The following C4BPA variants were observed in gnomAD, a reference collection of about 807,000 sequenced individuals.
The protein encoded by C4BPA is C4b-binding protein alpha chain.
C4BPA carries 31 observed loss-of-function variants against 63.7 expected under a neutral mutation model. The observed-to-expected ratio is 0.49, with a 90% CI of 0.37 to 0.66. The LOEUF (loss-of-function observed/expected upper bound fraction) is 0.66, where lower values mean the gene tolerates loss of function less well. Among genes scored for constraint, C4BPA ranks in the 30% least tolerant of loss-of-function variants. C4BPA has a pLI of 0.00. For synonymous variants in C4BPA, 259 were observed against 254.7 expected, an observed-to-expected ratio of 1.02 and a Z score of -0.16; for missense variants, 572 against 723.3, an observed-to-expected ratio of 0.79 and a Z score of 2.40.
At chr1:207,122,740 A>G (rs1308918191) in intron 4 of C4BPA, among the ~76,000 whole-genome samples, 1 of 151,920 alleles carries the variant, frequency 6.6e-6, no homozygotes, top group East Asian at 1.9e-4. Context: ...TGCCCAGCTG[A>G]TTTTTGTATT....
intron 1 of C4BPA, among the ~76,000 whole-genome samples, chr1:207,110,513 G>C (rs1357699406): frequency 6.6e-6 from 1 of 152,198 alleles, no homozygotes; most frequent in Non-Finnish European, 1.5e-5. Flanking sequence ...TTGGAGGCCA[G>C]GCATGGTGGC....
At chr1:207,137,232 T>C (rs946892843) in intron 9 of C4BPA, among the ~76,000 whole-genome samples, 2 of 152,204 alleles carry the variant, frequency 1.3e-5, no homozygotes, top group African/African-American at 4.8e-5. Context: ...GTGGAGGTGA[T>C]CTCTCACTTC....
intron 9 of C4BPA, among the ~76,000 whole-genome samples, chr1:207,139,791 C>T (rs1685373885): frequency 6.6e-6 from 1 of 152,150 alleles, no homozygotes; most frequent in South Asian, 2.1e-4. Context: ...ACTGTGCAAA[C>T]CTTCCAAGAT....
At position 207,134,384 on chromosome 1, in the gene C4BPA, C is replaced by T; in HGVS notation, c.1085-20C>T. 6.3e-7 allele frequency: 1 copy of T among 1,591,324 alleles called. No homozygotes were observed. Among genetic ancestry groups the T allele is most frequent in the Non-Finnish European group, 8.6e-7 (1 of 1,163,812 alleles). On this transcript the variant is annotated intron_variant, in intron 8 of 11. Transcript: ENST00000367070. Reference sequence around the variant, plus strand: ...TCATGGTGATTTTACTAACCATGCACCTCACATTTTATTTTTCAGCGTTAT... The same window carrying T: ...TCATGGTGATTTTACTAACCATGCATCTCACATTTTATTTTTCAGCGTTAT...
intron 7 of C4BPA, among the ~76,000 whole-genome samples, chr1:207,130,815 T>C (rs114802518): frequency 2.1e-3 from 325 of 152,000 alleles, no homozygotes; most frequent in Non-Finnish European, 3.0e-3. Context: ...AAATAGGGAG[T>C]GACTGATAAT....
chr1:207,108,796 C>CA (rs2102327374), intron 1 of C4BPA, among the ~76,000 whole-genome samples: 1 of 151,982 alleles, frequency 6.6e-6, no homozygotes, highest in South Asian at 2.1e-4. Flanking sequence ...GATCTCGGAT[C>CA]ACTGTAACCT....
At chr1:207,118,529 C>CAG (rs928185013) in intron 4 of C4BPA, among the ~76,000 whole-genome samples, 4 of 152,114 alleles carry the variant, frequency 2.6e-5, no homozygotes, top group African/African-American at 9.7e-5. Context: ...ATAAAACCAA[C>CAG]AGACCTCATG....
chr1:207,122,271 G>A (rs1225073089), intron 4 of C4BPA, among the ~76,000 whole-genome samples: 5 of 152,128 alleles, frequency 3.3e-5, no homozygotes, highest in African/African-American at 7.2e-5. Flanking sequence ...TATATCTGAG[G>A]CATTGATACC....
intron 1 of C4BPA, among the ~76,000 whole-genome samples, chr1:207,110,356 C>T (rs1684640111): frequency 1.3e-5 from 2 of 152,134 alleles, no homozygotes; most frequent in African/African-American, 4.8e-5. Flanking sequence ...TAGCTGGAGC[C>T]TAAGGGGTCA....
intron 7 of C4BPA, 192 bp downstream of exon 7, chr1:207,127,087 T>C: frequency 2.2e-6 from 1 of 453,490 alleles, no homozygotes; most frequent in Non-Finnish European, 3.9e-6. Flanking sequence ...GGTCATATAT[T>C]GTCACACAAA....
intron 7 of C4BPA, among the ~76,000 whole-genome samples, chr1:207,130,022 T>G (rs1319766085): frequency 1.3e-5 from 2 of 152,196 alleles, no homozygotes; most frequent in South Asian, 4.1e-4. Context: ...GGCTTAATAA[T>G]GCAATTATAT....
chr1:207,121,578 G>A (rs1482291357), intron 4 of C4BPA, among the ~76,000 whole-genome samples: 1 of 151,890 alleles, frequency 6.6e-6, no homozygotes, highest in Non-Finnish European at 1.5e-5. Flanking sequence ...TCTTTCATTA[G>A]GAGTTTACAT....
rs1188472859 is a variant in C4BPA at position 207,141,212 on chromosome 1, G to T, written c.1380G>T (p.Leu460=). 7 of 1,613,558 alleles carry T rather than the reference G, an allele frequency of 4.3e-6. No homozygotes were observed. The South Asian group carries it at 7.7e-5, about 18-fold the overall frequency. ...ATGAATGTGATAAAGGCTACATTCT[G>T]GTCGGACAGGCGAAACTCTCCTGCA... The part of the protein sequence containing the change: ...IIYECDKGYI[L]VGQAKLSCSY... The change falls in exon 10 of 12, where the codon CTG becomes CTT. Residue 460 remains leucine, a synonymous_variant. Transcript: ENST00000367070.
intron 8 of C4BPA, among the ~76,000 whole-genome samples, chr1:207,133,484 C>A (rs559715711): frequency 6.6e-6 from 1 of 152,272 alleles, no homozygotes; most frequent in Non-Finnish European, 1.5e-5. Context: ...AAGAATTTGG[C>A]CAGATGTGGT....
intron 4 of C4BPA, among the ~76,000 whole-genome samples, chr1:207,116,180 T>C (rs1369318056): frequency 6.6e-6 from 1 of 152,214 alleles, no homozygotes; most frequent in Non-Finnish European, 1.5e-5. Context: ...TCCAACTGTG[T>C]TGTCAAACTT....
At chr1:207,124,447 G>A (rs1684992928) in intron 6 of C4BPA, 81 bp downstream of exon 6, 3 of 1,087,844 alleles carry the variant, frequency 2.8e-6, no homozygotes, top group Non-Finnish European at 4.0e-6. Context: ...TTTATTGGGG[G>A]GCAAATGGAA....
rs928399579 is a variant in C4BPA at position 207,113,150 on chromosome 1, T to G, written c.125T>G (p.Leu42Arg). 1 of 1,610,688 alleles carries G rather than the reference T, an allele frequency of 6.2e-7. No individual in the cohort carries two copies. The highest frequency in any genetic ancestry group is 8.5e-7 in the Non-Finnish European group (1 of 1,178,830). The change falls in exon 2 of 12, where the codon CTG becomes CGG. Residue 42 changes from leucine (L) to arginine (R), a missense_variant. Coordinates refer to ENST00000367070, the MANE Select transcript of C4BPA (RefSeq NM_000715.4). Reference sequence around the variant, plus strand: ...TTCCAAATGACCTTGATCGCTGCTCTGTTGCCTGCTGTTCTTGGTGAGTAG... The same window carrying G: ...TTCCAAATGACCTTGATCGCTGCTCGGTTGCCTGCTGTTCTTGGTGAGTAG... ...ILFQMTLIAA[L>R]LPAVLGNCGP... is the part of the protein sequence containing the mutation.
Position 207,144,564 on chromosome 1 carries a change from A to G in C4BPA, c.1641A>G (p.Glu547=). The G allele has an allele frequency of 6.2e-7, 1 of 1,611,848 alleles. No homozygotes were observed. The highest frequency in any genetic ancestry group is 1.1e-5 in the South Asian group (1 of 90,864). The change falls in exon 12 of 12, where the codon GAA becomes GAG. Residue 547 remains glutamate, a synonymous_variant. Coordinates refer to ENST00000367070, the MANE Select transcript of C4BPA (RefSeq NM_000715.4). Reference sequence around the variant, plus strand: ...TTTAGGAGACCCCCGAAGGCTGTGAACAAGTGCTCACAGGCAAAAGACTCA... The same window carrying G: ...TTTAGGAGACCCCCGAAGGCTGTGAGCAAGTGCTCACAGGCAAAAGACTCA... The part of the protein sequence containing the change: ...KCEWETPEGC[E]QVLTGKRLMQ...
intron 7 of C4BPA, among the ~76,000 whole-genome samples, chr1:207,130,987 T>A (rs1299400618): frequency 2.6e-5 from 4 of 152,218 alleles, no homozygotes; most frequent in Non-Finnish European, 4.4e-5. Context: ...AAAAAAGAAC[T>A]TTTATATTCC....
Sources: allele counts gnomAD v4.1 joint callset (sites outside exome capture counted in the v4.1 genomes callset), GRCh38; gene constraint gnomAD v4.1.1; transcripts MANE v1.5; gene names NCBI Gene and HGNC (gene_info 2026-07-23, HGNC 2026-07-21).